LRCH2: variants seen among roughly 807,000 people sequenced by gnomAD.
LRCH2 encodes leucine-rich repeat and calponin homology domain-containing protein 2.
In LRCH2, 38 loss-of-function variants were observed where a neutral mutation model predicts 68.9. That is an observed-to-expected ratio of 0.55 (90% CI 0.43 to 0.72). The LOEUF is 0.72. Ranked by LOEUF, LRCH2 falls within the 30% of genes least tolerant of loss-of-function variation. The probability of loss-of-function intolerance (pLI) is 0.00; values close to 1 mark genes in which losing one functional copy is unlikely to be tolerated. For synonymous variants in LRCH2, 191 were observed against 208.1 expected (o/e 0.92, Z 0.71); for missense variants, 528 against 572.9 (o/e 0.92, Z 0.80).
At chrX:115,151,089 A>AC (rs1282459413) in intron 12 of LRCH2, among the ~76,000 whole-genome samples, 6 of 111,533 alleles carry the variant, frequency 5.4e-5, no homozygotes, top group African/African-American at 1.6e-4. Flanking sequence ...TGTAATAATA[A>AC]TTTTTTTAAC....
At chrX:115,232,245 C>G (rs1182003445) in intron 1 of LRCH2, among the ~76,000 whole-genome samples, 1 of 37,574 alleles carries the variant, frequency 2.7e-5, no homozygotes, top group Non-Finnish European at 5.4e-5. Context: ...TTAGAAAGAA[C>G]AATAAGAAAA....
At position 115,111,686 on chromosome X, in the gene LRCH2, G is replaced by A; in HGVS notation, c.*1530C>T. ...TTAAAAGCTCCAATTTGACCCTTGGGGAATGTAATGAACACATCTGTATTC... is the reference window on the plus strand; with the variant it reads ...TTAAAAGCTCCAATTTGACCCTTGGAGAATGTAATGAACACATCTGTATTC... On this transcript the variant is annotated 3_prime_UTR_variant, in exon 21 of 21. Coordinates refer to ENST00000317135, the MANE Select transcript of LRCH2 (RefSeq NM_020871.4). 1 of 111,073 alleles carries A rather than the reference G, an allele frequency of 9.0e-6. No homozygotes were observed. Among genetic ancestry groups the A allele is most frequent in the East Asian group, 2.8e-4 (1 of 3,532 alleles). The allele number at this position is 111,073 out of a possible 1,213,427, so 9.2% of individuals were successfully genotyped here.
At chrX:115,117,493 T>C (rs1451701902) in intron 20 of LRCH2, among the ~76,000 whole-genome samples, 1 of 111,715 alleles carries the variant, frequency 9.0e-6, no homozygotes, top group Admixed American at 9.5e-5. Context: ...TGTATACAAA[T>C]GTTCATAGCA....
chrX:115,153,548 C>A (rs979013119), intron 12 of LRCH2, among the ~76,000 whole-genome samples: 5 of 110,428 alleles, frequency 4.5e-5, no homozygotes, highest in Admixed American at 1.9e-4. Context: ...TTCTTAAGAA[C>A]AAATAACTGT....
intron 11 of LRCH2, among the ~76,000 whole-genome samples, chrX:115,161,760 T>C (rs1324520850): frequency 1.8e-5 from 2 of 111,058 alleles, no homozygotes; most frequent in East Asian, 2.8e-4. Flanking sequence ...ATTCAGTCAA[T>C]GTTGTACCTA....
chrX:115,135,624 A>G (rs1156623940), intron 14 of LRCH2, among the ~76,000 whole-genome samples: 1 of 112,156 alleles, frequency 8.9e-6, no homozygotes, highest in East Asian at 2.8e-4. Context: ...TATTTGATAA[A>G]GCAGTGGCAG....
At chrX:115,154,717 G>T (rs2072459458) in intron 12 of LRCH2, among the ~76,000 whole-genome samples, 4 of 111,829 alleles carry the variant, frequency 3.6e-5, no homozygotes, top group African/African-American at 1.3e-4. Flanking sequence ...AATGTATAGT[G>T]TTAACAAGTA....
intron 14 of LRCH2, among the ~76,000 whole-genome samples, chrX:115,135,830 T>C (rs2072285785): frequency 8.9e-6 from 1 of 112,164 alleles, no homozygotes; most frequent in African/African-American, 3.2e-5. Context: ...AGTAAAAAGA[T>C]TATGACTCAC....
rs1157447730 is a variant in LRCH2, at chrX:115,186,143, T to C, written c.495-1606A>G. Among the ~76,000 whole-genome samples the C allele has an allele frequency of 7.2e-5, 8 of 111,205 alleles. No homozygotes were observed. The East Asian group carries it at 2.3e-3, about 31-fold the overall frequency. ...TGAGAGGCCGAGGCGGGCAAATCAT[T>C]TGAGGTCAGGAGTTTGAGACCAGCC... On this transcript the variant is annotated intron_variant, in intron 2 of 20. Transcript: ENST00000317135.
intron 1 of LRCH2, among the ~76,000 whole-genome samples, chrX:115,197,170 T>A (rs950632336): frequency 8.9e-5 from 10 of 111,863 alleles, no homozygotes; most frequent in African/African-American, 2.6e-4. Context: ...GTTATTTTTT[T>A]AAAAAGATGT....
chrX:115,124,449 A>G (rs2072169088), intron 16 of LRCH2, among the ~76,000 whole-genome samples: 1 of 112,365 alleles, frequency 8.9e-6, no homozygotes, highest in Admixed American at 9.5e-5. Context: ...TAGATGATAA[A>G]TATCATCTCT....
At chrX:115,231,996 A>G (rs1178137481) in intron 1 of LRCH2, among the ~76,000 whole-genome samples, 3 of 111,754 alleles carry the variant, frequency 2.7e-5, no homozygotes, top group South Asian at 3.7e-4. Context: ...ATAAAATTAA[A>G]TAGACGGAGA....
chrX:115,125,607 G>GTATATA (rs200758748), intron 16 of LRCH2, among the ~76,000 whole-genome samples: 2 of 18,508 alleles, frequency 1.1e-4, no homozygotes, highest in Non-Finnish European at 1.7e-4. Context: ...ATATATATAC[G>GTATATA]TATATATATA....
intron 6 of LRCH2, among the ~76,000 whole-genome samples, chrX:115,166,726 T>A (rs931332419): frequency 1.8e-5 from 2 of 111,016 alleles, no homozygotes; most frequent in Admixed American, 9.7e-5. Flanking sequence ...TTACTCTTCA[T>A]TGGCTCTAAA....
chrX:115,152,643 A>T (rs1298150725), intron 12 of LRCH2, among the ~76,000 whole-genome samples: 3 of 111,564 alleles, frequency 2.7e-5, no homozygotes, highest in African/African-American at 9.8e-5. Context: ...GCAAACTTCA[A>T]GTGGCCTAAT....
intron 1 of LRCH2, among the ~76,000 whole-genome samples, chrX:115,203,052 T>C (rs2072940906): frequency 9.0e-6 from 1 of 111,083 alleles, no homozygotes; most frequent in African/African-American, 3.3e-5. Context: ...AGAAAAGAGG[T>C]TTAATTGACT....
intron 11 of LRCH2, among the ~76,000 whole-genome samples, chrX:115,158,274 G>A (rs2072491148): frequency 2.7e-5 from 3 of 111,699 alleles, no homozygotes; most frequent in Admixed American, 9.6e-5. Context: ...GCCTCTGTCT[G>A]TATTCATATT....
intron 1 of LRCH2, among the ~76,000 whole-genome samples, chrX:115,215,584 TAA>T (rs1373250762): frequency 9.2e-6 from 1 of 108,634 alleles, no homozygotes; most frequent in East Asian, 2.9e-4. Context: ...CCGTCTCTAC[TAA>T]AAATACAAAA....
In LRCH2 at chrX:115,114,874, G is replaced by C. The variant is rs782532980; in HGVS notation, c.2179-1539C>G. On this transcript the variant is annotated intron_variant, in intron 20 of 20. Transcript: ENST00000317135. Reference sequence around the variant, plus strand: ...AGTTCTGCAAGGTTGCAGAATACAAGATCAATAAAAGAAAATCACTTCTAT... The same window carrying C: ...AGTTCTGCAAGGTTGCAGAATACAACATCAATAAAAGAAAATCACTTCTAT... Among the ~76,000 whole-genome samples the C allele has an allele frequency of 3.6e-5, 4 of 110,027 alleles. No individual in the cohort carries two copies. The South Asian group carries it at 1.5e-3, about 42-fold the overall frequency.
Sources: gnomAD v4.1 joint callset for allele counts (sites outside exome capture counted in the v4.1 genomes callset) on GRCh38, gnomAD v4.1.1 for gene constraint, MANE v1.5 for transcripts, NCBI Gene and HGNC (gene_info 2026-07-23, HGNC 2026-07-21) for gene names.